THSD4: variants seen among roughly 807,000 people sequenced by gnomAD.
THSD4 encodes the protein thrombospondin type 1 domain containing 4, also known as thrombospondin type-1 domain-containing protein 4.
In THSD4, 69 loss-of-function variants were observed where a neutral mutation model predicts 119.0. The observed-to-expected ratio is 0.58, with a 90% CI of 0.48 to 0.71. The LOEUF is 0.71. Among genes scored for constraint, THSD4 ranks in the 30% least tolerant of loss-of-function variants. THSD4 has a pLI of 0.00. For synonymous variants in THSD4, 524 were observed against 540.4 expected (o/e 0.97, Z 0.42); for missense variants, 1,393 against 1,391.1 (o/e 1.00, Z -0.02).
chr15:71,520,708 T>C (rs929793534), intron 7 of THSD4, among the ~76,000 whole-genome samples: 1 of 152,198 alleles, frequency 6.6e-6, no homozygotes, highest in African/African-American at 2.4e-5. Context: ...AGTAGTCTTA[T>C]GACATGGCTA....
intron 7 of THSD4, among the ~76,000 whole-genome samples, chr15:71,521,478 T>C (rs1466317218): frequency 6.6e-6 from 1 of 152,222 alleles, no homozygotes; most frequent in Non-Finnish European, 1.5e-5. Context: ...GGGTGGATGA[T>C]CGGATCTCAG....
chr15:71,223,058 C>T (rs2043987557), intron 4 of THSD4, among the ~76,000 whole-genome samples: 1 of 152,294 alleles, frequency 6.6e-6, no homozygotes, highest in African/African-American at 2.4e-5. Flanking sequence ...CCTGAGTGCT[C>T]AGTAAAGGCG....
At chr15:71,345,702 T>C (rs1348085338) in intron 6 of THSD4, among the ~76,000 whole-genome samples, 2 of 152,114 alleles carry the variant, frequency 1.3e-5, no homozygotes, top group Non-Finnish European at 2.9e-5. Flanking sequence ...TTTAGGCAGT[T>C]GTTGCTAGAG....
chr15:71,499,480 T>C (rs1004748169), intron 7 of THSD4, among the ~76,000 whole-genome samples: 1 of 138,166 alleles, frequency 7.2e-6, no homozygotes, highest in East Asian at 1.9e-4. Flanking sequence ...TTTGGCACAA[T>C]TGTTTTTTTT....
At chr15:71,768,357 C>T (rs1012448479) in intron 16 of THSD4, among the ~76,000 whole-genome samples, 20 of 152,054 alleles carry the variant, frequency 1.3e-4, no homozygotes, top group African/African-American at 4.1e-4. Context: ...TAGAGGAACA[C>T]GAATTACACC....
intron 6 of THSD4, among the ~76,000 whole-genome samples, chr15:71,340,598 A>G (rs1021157597): frequency 2.0e-5 from 3 of 146,452 alleles, no homozygotes; most frequent in Non-Finnish European, 3.0e-5. Flanking sequence ...ATGAGCATCC[A>G]GAGACTTTTT....
intron 6 of THSD4, among the ~76,000 whole-genome samples, chr15:71,301,721 C>T (rs542600064): frequency 3.6e-4 from 55 of 152,266 alleles, no homozygotes; most frequent in South Asian, 8.3e-4. Flanking sequence ...CTGGAGACCT[C>T]CTCCGGTAAT....
At chr15:71,443,254 C>T (rs1380069107) in intron 7 of THSD4, among the ~76,000 whole-genome samples, 1 of 152,094 alleles carries the variant, frequency 6.6e-6, no homozygotes, top group Non-Finnish European at 1.5e-5. Context: ...TCAAAGCATT[C>T]CTTTTTAGGG....
At chr15:71,541,739 G>C (rs2048763399) in intron 7 of THSD4, among the ~76,000 whole-genome samples, 1 of 152,174 alleles carries the variant, frequency 6.6e-6, no homozygotes, top group Admixed American at 6.5e-5. Context: ...TGGTGCTTAT[G>C]AACAATTTGG....
chr15:71,572,661 G>A (rs2049379392), intron 7 of THSD4, among the ~76,000 whole-genome samples: 1 of 152,102 alleles, frequency 6.6e-6, no homozygotes, highest in African/African-American at 2.4e-5. Flanking sequence ...GGCTTGCTGA[G>A]TCATCAAATA....
At chr15:71,303,306 A>G (rs1000589895) in intron 6 of THSD4, among the ~76,000 whole-genome samples, 1 of 152,334 alleles carries the variant, frequency 6.6e-6, no homozygotes, top group Non-Finnish European at 1.5e-5. Context: ...TACACTCAGA[A>G]TAAAGAGCTG....
chr15:71,704,403 G>A (rs2052355602), intron 8 of THSD4, among the ~76,000 whole-genome samples: 1 of 152,186 alleles, frequency 6.6e-6, no homozygotes, highest in African/African-American at 2.4e-5. Context: ...TTGTGACAGT[G>A]AATAAGTTTC....
intron 7 of THSD4, among the ~76,000 whole-genome samples, chr15:71,514,780 A>C (rs780360876): frequency 6.6e-6 from 1 of 152,214 alleles, no homozygotes; most frequent in Non-Finnish European, 1.5e-5. Context: ...CAAAAATGGG[A>C]TCATATACTA....
intron 6 of THSD4, among the ~76,000 whole-genome samples, chr15:71,362,358 TTG>T (rs1458772050): frequency 2.0e-5 from 3 of 152,176 alleles, no homozygotes; most frequent in Non-Finnish European, 4.4e-5. Context: ...CTTTTGAATT[TTG>T]AACCATATGA....
intron 10 of THSD4, among the ~76,000 whole-genome samples, chr15:71,736,444 GCTCTCTGTCTCTCTTGCC>G (rs1291045697): frequency 2.8e-5 from 4 of 141,056 alleles, no homozygotes; most frequent in Middle Eastern, 4.3e-3. Context: ...TCTCTCTCTT[GCTCTCTGTCTCTCTTGCC>G]CTCTCTGTCT....
intron 8 of THSD4, among the ~76,000 whole-genome samples, chr15:71,676,491 A>G (rs1194703482): frequency 2.0e-5 from 3 of 152,290 alleles, no homozygotes; most frequent in East Asian, 3.9e-4. Context: ...CATGTTGGCC[A>G]GGATGGTCTC....
intron 3 of THSD4, among the ~76,000 whole-genome samples, chr15:71,174,401 T>A (rs1411323238): frequency 4.7e-5 from 7 of 148,962 alleles, no homozygotes; most frequent in Non-Finnish European, 1.5e-5. Context: ...ATCGGGTCAC[T>A]CCCACCCGAA....
intron 6 of THSD4, among the ~76,000 whole-genome samples, chr15:71,393,134 T>C (rs1419563194): frequency 1.3e-5 from 2 of 152,014 alleles, no homozygotes; most frequent in Non-Finnish European, 2.9e-5. Flanking sequence ...CCAAGCTTAC[T>C]CAGGGGGATT....
intron 7 of THSD4, among the ~76,000 whole-genome samples, chr15:71,617,265 T>G (rs886599537): frequency 5.3e-5 from 8 of 152,196 alleles, no homozygotes; most frequent in Non-Finnish European, 1.0e-4. Context: ...CAGAAACGAA[T>G]TAATGGAAGT....
Sources: allele counts gnomAD v4.1 joint callset (sites outside exome capture counted in the v4.1 genomes callset), GRCh38; gene constraint gnomAD v4.1.1; transcripts MANE v1.5; gene names NCBI Gene and HGNC (gene_info 2026-07-23, HGNC 2026-07-21).